Variants in MRTFA observed in about 807,000 individuals in gnomAD.
The protein encoded by MRTFA is myocardin related transcription factor A.
MRTFA carries 20 observed loss-of-function variants against 83.5 expected under a neutral mutation model. The observed-to-expected ratio is 0.24, with a 90% CI of 0.17 to 0.35. The LOEUF is 0.35. Among genes scored for constraint, MRTFA ranks in the 10% least tolerant of loss-of-function variants. The probability of loss-of-function intolerance (pLI) is 1.00; values close to 1 mark genes in which losing one functional copy is unlikely to be tolerated. For missense variants in MRTFA, 1,200 were observed against 1,224.7 expected (o/e 0.98, Z 0.30); for synonymous variants, 659 against 541.2 (o/e 1.22, Z -3.02).
chr22:40,429,272 A>G (rs1267082818), intron 7 of MRTFA: 6 of 599,124 alleles, frequency 1.0e-5, no homozygotes, highest in Non-Finnish European at 1.5e-5. Context: ...AATTCCTGGC[A>G]TCTCCACATG....
At chr22:40,567,948 C>G (rs942857763) in intron 2 of MRTFA, among the ~76,000 whole-genome samples, 5 of 152,076 alleles carry the variant, frequency 3.3e-5, no homozygotes, top group Non-Finnish European at 2.9e-5. Flanking sequence ...GAATATTTTC[C>G]TAAATTCTTG....
chr22:40,532,836 A>G (rs1001157705), intron 3 of MRTFA, among the ~76,000 whole-genome samples: 3 of 152,210 alleles, frequency 2.0e-5, no homozygotes, highest in Non-Finnish European at 4.4e-5. Flanking sequence ...ATCTTTTAAG[A>G]TATGCTCTGA....
At position 40,590,524 on chromosome 22, in the gene MRTFA, G is replaced by A. The variant is rs375502530; in HGVS notation, c.-22+4150C>T. Among the ~76,000 whole-genome samples the A allele has an allele frequency of 5.0e-4, 75 of 151,332 alleles. 1 individual carries two copies. The East Asian group carries it at 0.011, about 22-fold the overall frequency. On this transcript the variant is annotated intron_variant, in intron 2 of 14. Coordinates refer to ENST00000355630, the MANE Select transcript of MRTFA (RefSeq NM_020831.6). ...TCTACTAAAAATACAAAAATTAGTC[G>A]GGCATAGTGGCACACACCTGTAATC...
At chr22:40,547,863 A>G (rs2055389864) in intron 3 of MRTFA, among the ~76,000 whole-genome samples, 1 of 151,526 alleles carries the variant, frequency 6.6e-6, no homozygotes. Context: ...CAAAAAAAAA[A>G]AAAAAAAAGA....
At chr22:40,627,406 G>A (rs939928059) in intron 1 of MRTFA, among the ~76,000 whole-genome samples, 1 of 152,168 alleles carries the variant, frequency 6.6e-6, no homozygotes, top group African/African-American at 2.4e-5. Context: ...AAGCCATAAT[G>A]CCTGGCCCTT....
In MRTFA at chr22:40,621,783, T is replaced by G. The variant is rs139475327; in HGVS notation, c.-84+14695A>C. On this transcript the variant is annotated intron_variant, in intron 1 of 14. Transcript: ENST00000355630. The stretch of plus-strand genomic sequence containing the variant: ...ATTACTCACAGGCTTTGAAACATAA[T>G]AAAAATTTTCCCTGCTGGATTTTGA... 9.0e-4 allele frequency among the ~76,000 whole-genome samples: 137 copies of G among 152,322 alleles called. 1 individual carries two copies. The East Asian group carries it at 0.023, about 26-fold the overall frequency.
At chr22:40,426,143 C>A (rs926849640) in intron 7 of MRTFA, among the ~76,000 whole-genome samples, 1 of 152,090 alleles carries the variant, frequency 6.6e-6, no homozygotes, top group East Asian at 1.9e-4. Context: ...ACCCCAACCC[C>A]CATCAGCCCT....
At chr22:40,481,317 T>A (rs2147185222) in intron 3 of MRTFA, among the ~76,000 whole-genome samples, 1 of 152,226 alleles carries the variant, frequency 6.6e-6, no homozygotes, top group East Asian at 1.9e-4. Context: ...TTTCGGGCAC[T>A]AGGAAGATTG....
chr22:40,418,776 C>A lies in MRTFA; in HGVS notation c.1962G>T (p.Gln654His). 1 of 1,572,514 alleles carries A rather than the reference C, an allele frequency of 6.4e-7. No homozygotes were observed. Among genetic ancestry groups the A allele is most frequent in the Non-Finnish European group, 8.6e-7 (1 of 1,165,034 alleles). ...GCTGGGCTCGCTTCTCCTGCTCCAGCTGCAGCTTGAGCCGCTCCACCAGCT... is the reference window on the plus strand; with the variant it reads ...GCTGGGCTCGCTTCTCCTGCTCCAGATGCAGCTTGAGCCGCTCCACCAGCT... The change falls in exon 12 of 15, where the codon CAG (glutamine) becomes CAT (histidine). Residue 654 changes from glutamine (Q) to histidine (H), a missense_variant. Around this residue, in one of 2 missense-constraint regions of MRTFA, gnomAD observed 1,107 missense variants for 1,041.8 expected, o/e 1.06. Transcript: ENST00000355630.
At chr22:40,432,393 C>A (rs192769500) in intron 5 of MRTFA, among the ~76,000 whole-genome samples, 8 of 152,232 alleles carry the variant, frequency 5.3e-5, no homozygotes, top group Admixed American at 5.2e-4. Context: ...TCTAGTTCCT[C>A]AAAGTCCAAT....
intron 2 of MRTFA, among the ~76,000 whole-genome samples, chr22:40,592,974 C>G (rs1214909383): frequency 6.6e-6 from 1 of 152,106 alleles, no homozygotes; most frequent in Admixed American, 6.6e-5. Context: ...ATACAGAGAT[C>G]AAGCAAAACT....
At chr22:40,517,284 G>A (rs1337745726) in intron 3 of MRTFA, among the ~76,000 whole-genome samples, 1 of 152,226 alleles carries the variant, frequency 6.6e-6, no homozygotes, top group Non-Finnish European at 1.5e-5. Context: ...TTACATTTAC[G>A]TTGTAGTGTT....
At chr22:40,542,993 A>G (rs973366622) in intron 3 of MRTFA, among the ~76,000 whole-genome samples, 1 of 152,196 alleles carries the variant, frequency 6.6e-6, no homozygotes, top group African/African-American at 2.4e-5. Flanking sequence ...TCTATTCTCC[A>G]GGGGCCTAGC....
At chr22:40,489,971 CAAA>C (rs55808950) in intron 3 of MRTFA, among the ~76,000 whole-genome samples, 2 of 105,876 alleles carry the variant, frequency 1.9e-5, no homozygotes, top group Non-Finnish European at 1.8e-5. Context: ...GACTCTGTCG[CAAA>C]AAAAAAAAAA....
intron 4 of MRTFA, among the ~76,000 whole-genome samples, chr22:40,457,474 GAAAGAAAGAAA>G (rs2053612630): frequency 1.4e-5 from 2 of 145,652 alleles, no homozygotes; most frequent in Non-Finnish European, 3.1e-5. Flanking sequence ...AAGAAAGAAA[GAAAGAAAGAAA>G]GAAGGAAAGA....
chr22:40,555,246 G>A (rs73169021), intron 2 of MRTFA, among the ~76,000 whole-genome samples: 25 of 152,228 alleles, frequency 1.6e-4, no homozygotes, highest in South Asian at 4.1e-4. Context: ...AGGGACTAGC[G>A]GCAGAATGAT....
intron 2 of MRTFA, among the ~76,000 whole-genome samples, chr22:40,582,190 T>A (rs541770577): frequency 6.6e-6 from 1 of 152,234 alleles, no homozygotes; most frequent in Non-Finnish European, 1.5e-5. Context: ...TATGACAGGC[T>A]TCTTTCACTT....
chr22:40,632,475 G>A (rs750799263), intron 1 of MRTFA, among the ~76,000 whole-genome samples: 17 of 150,816 alleles, frequency 1.1e-4, no homozygotes, highest in Admixed American at 2.6e-4. Flanking sequence ...ATACTCTGCC[G>A]CCCAGGCTGG....
rs780767652 is a variant in MRTFA, at chr22:40,419,178, G to C, written c.1560C>G (p.Ala520=). 176 of 1,585,504 alleles carry C rather than the reference G, an allele frequency of 1.1e-4. No homozygotes were observed. The highest frequency in any genetic ancestry group is 1.4e-4 in the Non-Finnish European group (167 of 1,165,812). Reference sequence around the variant, plus strand: ...CTGGAGCCAGGCCTGCTGCCACCAGGGCTGGCCCCGTGCTCAGCCGGGCCG... The same window carrying C: ...CTGGAGCCAGGCCTGCTGCCACCAGCGCTGGCCCCGTGCTCAGCCGGGCCG... The change falls in exon 12 of 15, where the codon GCC becomes GCG. Residue 520 remains alanine (A), a synonymous_variant. Coordinates refer to ENST00000355630, the MANE Select transcript of MRTFA (RefSeq NM_020831.6).
Sources: allele counts gnomAD v4.1 joint callset (sites outside exome capture counted in the v4.1 genomes callset), GRCh38; gene constraint gnomAD v4.1.1; regional missense constraint gnomAD v4.1.1; transcripts MANE v1.5; gene names NCBI Gene and HGNC (gene_info 2026-07-23, HGNC 2026-07-21).